Variants in CCSER1 observed in about 807,000 individuals in gnomAD.
CCSER1 encodes the protein serine-rich coiled-coil domain-containing protein 1.
A neutral mutation model predicts 82.0 loss-of-function variants in CCSER1; 41 were observed. The observed-to-expected ratio is 0.50, with a 90% CI of 0.39 to 0.65. The LOEUF (loss-of-function observed/expected upper bound fraction) is 0.65, where lower values mean the gene tolerates loss of function less well. CCSER1 is among the 30% of genes least tolerant of loss of function. The pLI is 0.00. For missense variants in CCSER1, 1,119 were observed against 1,064.2 expected, an observed-to-expected ratio of 1.05 and a Z score of -0.72; for synonymous variants, 414 against 383.9, an observed-to-expected ratio of 1.08 and a Z score of -0.92.
At chr4:90,931,608 C>A (rs868771132) in intron 9 of CCSER1, among the ~76,000 whole-genome samples, 5 of 152,084 alleles carry the variant, frequency 3.3e-5, no homozygotes, top group Admixed American at 1.3e-4. Flanking sequence ...CATGGCTTTT[C>A]TGTTTTGTCA....
At chr4:90,168,442 G>C (rs1730949844) in intron 1 of CCSER1, among the ~76,000 whole-genome samples, 1 of 152,036 alleles carries the variant, frequency 6.6e-6, no homozygotes, top group Admixed American at 6.5e-5. Flanking sequence ...TCACTCTGAT[G>C]GTAGTTTCTT....
chr4:91,047,237 T>C (rs182584288), intron 9 of CCSER1, among the ~76,000 whole-genome samples: 1,932 of 151,884 alleles, frequency 0.013, 37 homozygotes, highest in African/African-American at 0.043. Flanking sequence ...AGCATATATA[T>C]ATACACACAC....
At chr4:91,569,411 T>G (rs539069437) in intron 10 of CCSER1, among the ~76,000 whole-genome samples, 15 of 152,122 alleles carry the variant, frequency 9.9e-5, no homozygotes, top group Non-Finnish European at 1.9e-4. Flanking sequence ...ATTGTTTGGT[T>G]GTCTCCTGGG....
chr4:91,113,560 T>C (rs1433433495), intron 10 of CCSER1, among the ~76,000 whole-genome samples: 2 of 152,188 alleles, frequency 1.3e-5, no homozygotes, highest in African/African-American at 4.8e-5. Context: ...TTCTGTTTCT[T>C]TTGTGATAAC....
At chr4:91,519,123 AGATG>A (rs1473046240) in intron 10 of CCSER1, among the ~76,000 whole-genome samples, 8 of 152,208 alleles carry the variant, frequency 5.3e-5, no homozygotes, top group Non-Finnish European at 1.0e-4. Flanking sequence ...GGGGCAGGGT[AGATG>A]TGCTGGAGAC....
chr4:91,022,309 A>G (rs1192787274), intron 9 of CCSER1, among the ~76,000 whole-genome samples: 3 of 151,932 alleles, frequency 2.0e-5, no homozygotes, highest in African/African-American at 4.8e-5. Context: ...AGCTTCATCC[A>G]TGTCCCTACA....
intron 4 of CCSER1, among the ~76,000 whole-genome samples, chr4:90,409,174 A>G (rs1349369406): frequency 3.3e-5 from 5 of 152,208 alleles, no homozygotes; most frequent in Non-Finnish European, 5.9e-5. Context: ...TGAAAGTGAC[A>G]GGGAGAATGG....
At chr4:90,852,116 A>C (rs1031429947) in intron 8 of CCSER1, among the ~76,000 whole-genome samples, 1 of 152,226 alleles carries the variant, frequency 6.6e-6, no homozygotes, top group Non-Finnish European at 1.5e-5. Flanking sequence ...AGAAGTCAAA[A>C]AAATATAGGA....
chr4:90,427,327 T>A (rs1198624854), intron 4 of CCSER1, among the ~76,000 whole-genome samples: 3 of 151,824 alleles, frequency 2.0e-5, no homozygotes, highest in African/African-American at 4.8e-5. Flanking sequence ...ACTCTTTATA[T>A]GAGGAAATTA....
intron 10 of CCSER1, among the ~76,000 whole-genome samples, chr4:91,238,593 T>A (rs1739200145): frequency 6.6e-6 from 1 of 152,170 alleles, no homozygotes. Context: ...CTTCTCTTAG[T>A]GTCTTTGTTT....
intron 9 of CCSER1, among the ~76,000 whole-genome samples, chr4:90,975,259 G>A (rs1479546310): frequency 6.6e-6 from 1 of 151,094 alleles, no homozygotes; most frequent in Non-Finnish European, 1.5e-5. Context: ...TTATTTTTCA[G>A]ATGAGGAAAA....
intron 4 of CCSER1, among the ~76,000 whole-genome samples, chr4:90,421,841 G>A (rs189526763): frequency 1.4e-4 from 22 of 152,168 alleles, no homozygotes; most frequent in African/African-American, 4.8e-4. Flanking sequence ...AAATTGGTGG[G>A]TCTTTGGGGA....
At chr4:91,288,554 A>T (rs1446250224) in intron 10 of CCSER1, among the ~76,000 whole-genome samples, 1 of 152,044 alleles carries the variant, frequency 6.6e-6, no homozygotes, top group South Asian at 2.1e-4. Flanking sequence ...CTGAATGCTC[A>T]CATAAAAATA....
At chr4:90,471,437 A>G (rs772934595) in intron 5 of CCSER1, among the ~76,000 whole-genome samples, 1 of 152,142 alleles carries the variant, frequency 6.6e-6, no homozygotes, top group South Asian at 2.1e-4. Flanking sequence ...GACTGTCTCT[A>G]AAAGAAATAA....
rs367618181 is a variant in CCSER1 at position 91,275,175 on chromosome 4, G to C, written c.2217+189181G>C. 6.6e-5 allele frequency among the ~76,000 whole-genome samples: 10 copies of C among 151,952 alleles called. No individual in the cohort carries two copies. In the East Asian group the frequency reaches 1.4e-3, roughly 21 times the overall value. The stretch of plus-strand genomic sequence containing the variant: ...CCAGTAGGGGATTGCTGCATCATGT[G>C]GTAGTTCTATTTATCGTTTTTCAAG... On this transcript the variant is annotated intron_variant, in intron 10 of 10. Coordinates refer to ENST00000509176, the MANE Select transcript of CCSER1 (RefSeq NM_001145065.2).
intron 5 of CCSER1, among the ~76,000 whole-genome samples, chr4:90,571,383 G>A (rs1780101108): frequency 6.6e-6 from 1 of 152,204 alleles, no homozygotes; most frequent in Admixed American, 6.5e-5. Flanking sequence ...GATACACCAT[G>A]GAAAGCTGTG....
In CCSER1 at chr4:91,141,657, G is replaced by A. The variant is rs538531570; in HGVS notation, c.2217+55663G>A. 7.2e-5 allele frequency among the ~76,000 whole-genome samples: 11 copies of A among 152,236 alleles called. No individual in the cohort carries two copies. In the East Asian group the frequency reaches 1.9e-3, roughly 27 times the overall value. On this transcript the variant is annotated intron_variant, in intron 10 of 10. Coordinates refer to ENST00000509176, the MANE Select transcript of CCSER1 (RefSeq NM_001145065.2). ...TGGGTAAATACTGAGTAATGTGACT[G>A]CTGGGTTGAGTGGTAGTTCTATTTT...
At chr4:91,429,362 A>G (rs1754165635) in intron 10 of CCSER1, among the ~76,000 whole-genome samples, 1 of 152,006 alleles carries the variant, frequency 6.6e-6, no homozygotes, top group Admixed American at 6.5e-5. Flanking sequence ...TTTTTTAAAG[A>G]AAACAGGTAC....
chr4:91,180,661 G>C (rs1001761391), intron 10 of CCSER1, among the ~76,000 whole-genome samples: 1 of 152,168 alleles, frequency 6.6e-6, no homozygotes, highest in Non-Finnish European at 1.5e-5. Flanking sequence ...CATTGGAAAA[G>C]TGCAGTATTA....
Sources: allele counts gnomAD v4.1 joint callset (sites outside exome capture counted in the v4.1 genomes callset), GRCh38; gene constraint gnomAD v4.1.1; transcripts MANE v1.5; gene names NCBI Gene and HGNC (gene_info 2026-07-23, HGNC 2026-07-21).